Variants in AFG2A observed in about 807,000 individuals in gnomAD.
The protein encoded by AFG2A is ATPase family gene 2 protein homolog A.
the AFG2A span, among the ~76,000 whole-genome samples, chr4:123,310,856 C>T: frequency 6.6e-6 from 1 of 152,200 alleles, no homozygotes; most frequent in Non-Finnish European, 1.5e-5. Flanking sequence ...TTCTTCAGAG[C>T]ATCCTTTATA....
the AFG2A span, chr4:122,928,897 G>C: frequency 1.0e-6 from 1 of 959,700 alleles, no homozygotes; most frequent in Non-Finnish European, 1.5e-6. Flanking sequence ...TATTGCAATT[G>C]GTATCAGATT....
the AFG2A span, among the ~76,000 whole-genome samples, chr4:123,279,371 C>T: frequency 3.3e-5 from 5 of 151,388 alleles, no homozygotes; most frequent in East Asian, 1.9e-4. Flanking sequence ...GATCATGCCA[C>T]GGCACTCCAG....
chr4:123,094,041 C>T, the AFG2A span, among the ~76,000 whole-genome samples: 1 of 152,238 alleles, frequency 6.6e-6, no homozygotes, highest in South Asian at 2.1e-4. Flanking sequence ...TTACAAGAAA[C>T]AGGTTTAATC....
chr4:123,059,801 C>G, the AFG2A span, among the ~76,000 whole-genome samples: 16 of 151,898 alleles, frequency 1.1e-4, no homozygotes, highest in South Asian at 2.1e-4. Context: ...TTCTCCACAT[C>G]CTCTCCAGCA....
chr4:123,243,381 ATG>A, the AFG2A span, among the ~76,000 whole-genome samples: 1 of 152,238 alleles, frequency 6.6e-6, no homozygotes, highest in Non-Finnish European at 1.5e-5. Flanking sequence ...GATTAAGAAA[ATG>A]TGGCACAGAT....
chr4:123,272,966 A>G, the AFG2A span, among the ~76,000 whole-genome samples: 1 of 152,172 alleles, frequency 6.6e-6, no homozygotes, highest in Non-Finnish European at 1.5e-5. Context: ...AAAATGAGAA[A>G]GGGGATAACT....
At chr4:123,214,474 G>T in the AFG2A span, among the ~76,000 whole-genome samples, 3 of 151,768 alleles carry the variant, frequency 2.0e-5, no homozygotes, top group Non-Finnish European at 2.9e-5. Context: ...AACACCACAG[G>T]TTTGAATTGC....
the AFG2A span, among the ~76,000 whole-genome samples, chr4:122,974,743 C>T: frequency 3.6e-4 from 54 of 152,094 alleles, no homozygotes; most frequent in Middle Eastern, 0.014. Context: ...TGGGTTCAAG[C>T]GATTCTCCTG....
chr4:122,947,172 C>G, the AFG2A span: 1 of 1,458,958 alleles, frequency 6.9e-7, no homozygotes, highest in Non-Finnish European at 9.1e-7. Flanking sequence ...CAGTGTGTGC[C>G]TCTCACTTTT....
the AFG2A span, among the ~76,000 whole-genome samples, chr4:123,293,254 A>C: frequency 2.0e-5 from 3 of 152,162 alleles, no homozygotes; most frequent in African/African-American, 7.2e-5. Context: ...CCCCTTCTCC[A>C]GGTCCCTTCA....
chr4:123,053,399 C>G, the AFG2A span, among the ~76,000 whole-genome samples: 1 of 152,236 alleles, frequency 6.6e-6, no homozygotes, highest in African/African-American at 2.4e-5. Context: ...GTGTGCCTTT[C>G]AGCATATTTC....
the AFG2A span, among the ~76,000 whole-genome samples, chr4:123,295,231 C>T: frequency 6.6e-6 from 1 of 152,204 alleles, no homozygotes; most frequent in Non-Finnish European, 1.5e-5. Context: ...AAAGGTAGAG[C>T]TGTGACTAGA....
chr4:122,980,503 CT>C, the AFG2A span, among the ~76,000 whole-genome samples: 517 of 152,150 alleles, frequency 3.4e-3, 4 homozygotes, highest in Middle Eastern at 0.014. Flanking sequence ...ACTTCATTTC[CT>C]TTTGATATGT....
the AFG2A span, among the ~76,000 whole-genome samples, chr4:123,214,700 C>T: frequency 1.3e-5 from 2 of 151,824 alleles, no homozygotes; most frequent in Admixed American, 1.3e-4. Context: ...TTATCAAAAC[C>T]TACACACACA....
the AFG2A span, among the ~76,000 whole-genome samples, chr4:122,982,856 ATCT>A: frequency 8.4e-5 from 11 of 131,310 alleles, no homozygotes; most frequent in African/African-American, 2.8e-4. Context: ...ATTTACTTTA[ATCT>A]TCTTCTTTTT....
chr4:122,976,952 TTAAG>T, the AFG2A span, among the ~76,000 whole-genome samples: 899 of 152,360 alleles, frequency 5.9e-3, 3 homozygotes, highest in Non-Finnish European at 9.3e-3. Context: ...CTTTCTCATA[TTAAG>T]TATTTGTCAT....
the AFG2A span, among the ~76,000 whole-genome samples, chr4:123,125,552 A>G: frequency 6.6e-6 from 1 of 152,324 alleles, no homozygotes. Flanking sequence ...AACTTGTGAA[A>G]GTCACCAGTG....
chr4:123,090,420 AGATAT>A, the AFG2A span, among the ~76,000 whole-genome samples: 8 of 152,322 alleles, frequency 5.3e-5, no homozygotes, highest in East Asian at 1.5e-3. Flanking sequence ...GTTTGTTTTG[AGATAT>A]GATAATGCAG....
chr4:123,086,590 T>C, the AFG2A span, among the ~76,000 whole-genome samples: 2 of 152,212 alleles, frequency 1.3e-5, no homozygotes, highest in East Asian at 3.8e-4. Flanking sequence ...AGTGAATGTT[T>C]CTTCAAATAT....
Sources: allele counts gnomAD v4.1 joint callset (sites outside exome capture counted in the v4.1 genomes callset), GRCh38; gene constraint gnomAD v4.1.1; transcripts MANE v1.5; gene names NCBI Gene and HGNC (gene_info 2026-07-23, HGNC 2026-07-21).